The following FARS2 variants were observed in gnomAD, a reference collection of about 807,000 sequenced individuals.
FARS2 encodes phenylalanine--tRNA ligase, mitochondrial.
In FARS2, 40 loss-of-function variants were observed where a neutral mutation model predicts 46.4. The ratio of observed to expected loss-of-function variants is 0.86; its 90% CI spans 0.67 to 1.12. The LOEUF is 1.12. Among genes scored for constraint, FARS2 ranks in the 50% most tolerant of loss-of-function variants. The pLI is 0.00. For missense variants in FARS2, 513 were observed against 567.9 expected (o/e 0.90, Z 0.98); for synonymous variants, 234 against 214.9 (o/e 1.09, Z -0.78).
chr6:5,666,608 G>A (rs1419353634), intron 6 of FARS2, among the ~76,000 whole-genome samples: 1 of 152,226 alleles, frequency 6.6e-6, no homozygotes, highest in Admixed American at 6.5e-5. Context: ...TAATTAAAAT[G>A]TGGTTAAGAT....
At chr6:5,262,200 C>G (rs1466426984) in intron 1 of FARS2, among the ~76,000 whole-genome samples, 1 of 152,232 alleles carries the variant, frequency 6.6e-6, no homozygotes, top group Non-Finnish European at 1.5e-5. Context: ...GTGTTCTCAT[C>G]TGCTTTAGTG....
rs1377914279 is a variant in FARS2, at chr6:5,560,229, A to T, written c.1065+14889A>T. On this transcript the variant is annotated intron_variant, in intron 5 of 6. Transcript: ENST00000274680. ...AGTTTTTTGTAAAGCATTTTATCAA[A>T]TTAGGGGTGTTTCCTTCTACTTTGA... Among the ~76,000 whole-genome samples the T allele has an allele frequency of 3.3e-5, 5 of 152,148 alleles. 1 individual carries two copies. Among genetic ancestry groups the T allele is most frequent in the Non-Finnish European group, 7.3e-5 (5 of 68,036 alleles).
intron 2 of FARS2, among the ~76,000 whole-genome samples, chr6:5,369,403 T>C (rs1758895630): frequency 6.6e-6 from 1 of 152,116 alleles, no homozygotes; most frequent in African/African-American, 2.4e-5. Flanking sequence ...AGCCTTAGTT[T>C]CCAGTTGTCT....
chr6:5,704,761 A>C (rs1758642554), intron 6 of FARS2, among the ~76,000 whole-genome samples: 1 of 152,262 alleles, frequency 6.6e-6, no homozygotes, highest in African/African-American at 2.4e-5. Context: ...CCCCAAAAGG[A>C]AAATACAAAT....
rs563195191 is a variant in FARS2, at chr6:5,472,623, A to C, written c.904+41451A>C. Among the ~76,000 whole-genome samples, 17 of 152,258 alleles carry C rather than the reference A, an allele frequency of 1.1e-4. No individual in the cohort carries two copies. In the South Asian group the frequency reaches 3.5e-3, roughly 32 times the overall value. ...AATTTTATAGAAGCATGACTGATTA[A>C]ATTCTGCCCATTCTGTGTTTTTTAA... is the stretch of plus-strand genomic sequence containing the variant. On this transcript the variant is annotated intron_variant, in intron 4 of 6. Transcript: ENST00000274680.
intron 2 of FARS2, among the ~76,000 whole-genome samples, chr6:5,376,123 C>G (rs928998328): frequency 6.6e-6 from 1 of 152,118 alleles, no homozygotes. Flanking sequence ...TACATGATCA[C>G]TACCAATCTT....
chr6:5,466,956 G>A, intron 4 of FARS2: 2 of 985,392 alleles, frequency 2.0e-6, no homozygotes, highest in South Asian at 9.4e-5. Context: ...AGCCTGTGCA[G>A]GAATGATAAG....
At chr6:5,676,367 A>G (rs1778767950) in intron 6 of FARS2, among the ~76,000 whole-genome samples, 1 of 152,248 alleles carries the variant, frequency 6.6e-6, no homozygotes, top group African/African-American at 2.4e-5. Flanking sequence ...AACAGTACAC[A>G]TATTAGACTG....
At chr6:5,437,100 C>A (rs1273623510) in intron 4 of FARS2, among the ~76,000 whole-genome samples, 1 of 152,146 alleles carries the variant, frequency 6.6e-6, no homozygotes, top group East Asian at 1.9e-4. Context: ...ACTGATCTAC[C>A]TGCTGTCATT....
At chr6:5,260,578 G>C, upstream of FARS2, 2 of 1,518,778 alleles carry the variant, frequency 1.3e-6, no homozygotes, top group Non-Finnish European at 1.8e-6. Context: ...GGGATATTCC[G>C]CGTCAGCCCG....
chr6:5,675,495 G>C (rs765385353), intron 6 of FARS2, among the ~76,000 whole-genome samples: 10 of 152,184 alleles, frequency 6.6e-5, no homozygotes, highest in African/African-American at 9.7e-5. Context: ...TCTTTGTTTA[G>C]TCATGAAATA....
chr6:5,341,215 ATATATATATATATATATATATTTTTT>A (rs1281219794), intron 1 of FARS2, among the ~76,000 whole-genome samples: 1 of 8,406 alleles, frequency 1.2e-4, no homozygotes, highest in East Asian at 1.4e-3. Flanking sequence ...ATATATATAT[ATATATATATATATATATATATTTTTT>A]TTTTTTTTTT....
intron 6 of FARS2, among the ~76,000 whole-genome samples, chr6:5,693,336 C>T (rs1399658322): frequency 6.6e-6 from 1 of 152,206 alleles, no homozygotes; most frequent in African/African-American, 2.4e-5. Context: ...GCCCCCTCAC[C>T]ACTAATCCTG....
At chr6:5,597,844 C>A (rs967765394) in intron 5 of FARS2, among the ~76,000 whole-genome samples, 2 of 152,128 alleles carry the variant, frequency 1.3e-5, no homozygotes, top group African/African-American at 4.8e-5. Flanking sequence ...TACATAATTT[C>A]TCTAGCTAAT....
chr6:5,262,946 T>TA (rs1765294090), intron 1 of FARS2, among the ~76,000 whole-genome samples: 1 of 152,206 alleles, frequency 6.6e-6, no homozygotes, highest in South Asian at 2.1e-4. Flanking sequence ...TGCACATTGT[T>TA]ATAGAGTAAG....
chr6:5,258,497 T>C (rs77744968), upstream of FARS2, among the ~76,000 whole-genome samples: 1,787 of 152,282 alleles, frequency 0.012, 14 homozygotes, highest in Middle Eastern at 0.02. Flanking sequence ...GAATTGATAG[T>C]GGATGTTGTG....
At chr6:5,449,490 C>A (rs764609874) in intron 4 of FARS2, among the ~76,000 whole-genome samples, 1 of 151,838 alleles carries the variant, frequency 6.6e-6, no homozygotes, top group Non-Finnish European at 1.5e-5. Context: ...TAAATATTCT[C>A]CTGGGTTCCT....
chr6:5,548,841 T>A, intron 5 of FARS2, among the ~76,000 whole-genome samples: 1 of 152,246 alleles, frequency 6.6e-6, no homozygotes, highest in East Asian at 1.9e-4. Flanking sequence ...TTTTTATAGT[T>A]GTCTTTGTGT....
chr6:5,680,141 G>A (rs1034064584), intron 6 of FARS2, among the ~76,000 whole-genome samples: 1 of 152,234 alleles, frequency 6.6e-6, no homozygotes, highest in African/African-American at 2.4e-5. Flanking sequence ...CTCTGATGCT[G>A]TTAGGGTCTT....
Sources: gnomAD v4.1 joint callset for allele counts (sites outside exome capture counted in the v4.1 genomes callset) on GRCh38, gnomAD v4.1.1 for gene constraint, MANE v1.5 for transcripts, NCBI Gene and HGNC (gene_info 2026-07-23, HGNC 2026-07-21) for gene names.